Variants in ABI3BP observed in about 807,000 individuals in gnomAD.
ABI3BP encodes the protein target of Nesh-SH3.
In ABI3BP, 216 loss-of-function variants were observed where a neutral mutation model predicts 268.6. The ratio of observed to expected loss-of-function variants is 0.80; its 90% CI spans 0.72 to 0.90. The LOEUF (loss-of-function observed/expected upper bound fraction) is 0.90. Ranked by LOEUF, ABI3BP falls within the 40% of genes least tolerant of loss-of-function variation. ABI3BP has a pLI of 0.00. For missense variants in ABI3BP, 2,090 were observed against 2,182.4 expected (o/e 0.96, Z 0.84); for synonymous variants, 730 against 730.0 (o/e 1.00, Z 0.00).
In ABI3BP at chr3:100,913,791, G is replaced by A. The variant is rs1438108352; in HGVS notation, c.260-11105C>T. 2.6e-5 allele frequency among the ~76,000 whole-genome samples: 4 copies of A among 152,184 alleles called. No individual in the cohort carries two copies. In the East Asian group the frequency reaches 5.8e-4, roughly 22 times the overall value. ...TATGGAGCATCACAAAGTAATATAA[G>A]TCCTCCACCTTTTAGAGTATTCCTA... On this transcript the variant is annotated intron_variant, in intron 2 of 67. Transcript: ENST00000471714.
intron 13 of ABI3BP, 57 bp downstream of exon 13, chr3:100,862,781 A>G: frequency 8.2e-7 from 1 of 1,225,262 alleles, no homozygotes; most frequent in Non-Finnish European, 1.1e-6. Flanking sequence ...TGTGTCCTGC[A>G]GAATTAAGCA....
intron 14 of ABI3BP, among the ~76,000 whole-genome samples, chr3:100,859,892 G>T (rs779544179): frequency 6.6e-6 from 1 of 152,034 alleles, no homozygotes; most frequent in South Asian, 2.1e-4. Context: ...ATAAGGTAGC[G>T]CTTCTCAAAC....
chr3:100,894,581 G>C (rs1295149618), intron 4 of ABI3BP, among the ~76,000 whole-genome samples: 1 of 151,982 alleles, frequency 6.6e-6, no homozygotes, highest in African/African-American at 2.4e-5. Context: ...ACTTGGGGGC[G>C]GAAAAAAGGC....
chr3:100,888,939 A>G (rs1415315115), intron 4 of ABI3BP, among the ~76,000 whole-genome samples: 1 of 152,072 alleles, frequency 6.6e-6, no homozygotes, highest in Non-Finnish European at 1.5e-5. Context: ...TTTATAACCC[A>G]GTACACAGTA....
intron 1 of ABI3BP, chr3:100,952,747 T>C (rs189723932): frequency 5.3e-5 from 8 of 152,162 alleles, no homozygotes; most frequent in Admixed American, 4.6e-4. Context: ...AACAAAAAAA[T>C]AGAATTGTAA....
rs989943262 is a variant in ABI3BP, at chr3:100,911,740, G to A, written c.260-9054C>T. 2.0e-5 allele frequency: 18 copies of A among 892,552 alleles called. No homozygotes were observed. The African/African-American group carries it at 2.6e-4, about 13-fold the overall frequency. 55.3% of individuals were successfully genotyped at this position (892,552 alleles called of 1,614,324 possible). The stretch of plus-strand genomic sequence containing the variant: ...AGTCCTCTTTGAGGTTTCAAGGCAT[G>A]TTTCAGTCGATGAGTAGCGTAGCTT... On this transcript the variant is annotated intron_variant, in intron 2 of 67. Transcript: ENST00000471714.
At chr3:100,750,633 T>TCTCTCAGG in intron 67 of ABI3BP, 23 bp from the exon 68 acceptor site, 1 of 1,548,836 alleles carries the variant, frequency 6.5e-7, no homozygotes, top group East Asian at 2.3e-5. Context: ...ATAGTTTCAT[T>TCTCTCAGG]TTAATAGCTG....
intron 2 of ABI3BP, among the ~76,000 whole-genome samples, chr3:100,918,298 A>G (rs867411821): frequency 1.1e-4 from 17 of 148,938 alleles, no homozygotes; most frequent in East Asian, 3.9e-4. Flanking sequence ...CCATCCACCC[A>G]TCCACCCATC....
rs76822989 is a variant in ABI3BP, at chr3:100,825,831, G to A, written c.2616C>T (p.Asp872=). Residue 872 remains aspartate (D), a synonymous_variant, in exon 35 of 68, where the codon GAC becomes GAT. Transcript: ENST00000471714. ...APGTTFVPVT[D]LEPVTFRTEI... ...CAGTTCTAAAAGTAACAGGCTCGAG[G>A]TCTGTAACAGGAACTGAAGTAATAA... 10,121 of 1,535,046 alleles carry A rather than the reference G, an allele frequency of 6.6e-3. 708 individuals are homozygous for A. In the Admixed American group the frequency reaches 0.14, roughly 21 times the overall value.
At chr3:100,885,351 A>C (rs1424458912) in intron 6 of ABI3BP, among the ~76,000 whole-genome samples, 185 bp downstream of exon 6, 1 of 152,092 alleles carries the variant, frequency 6.6e-6, no homozygotes, top group Non-Finnish European at 1.5e-5. Context: ...CAAATCAGAG[A>C]TGATTTGAAA....
At chr3:100,801,275 A>C (rs2097527060) in intron 51 of ABI3BP, among the ~76,000 whole-genome samples, 1 of 152,000 alleles carries the variant, frequency 6.6e-6, no homozygotes, top group African/African-American at 2.4e-5. Context: ...ATTATTTAAA[A>C]ATCTAGGCCA....
chr3:100,830,693 C>A, intron 31 of ABI3BP, 59 bp from the exon 32 acceptor site: 1 of 1,374,220 alleles, frequency 7.3e-7, no homozygotes, highest in Non-Finnish European at 9.8e-7. Flanking sequence ...AATGTTGGAA[C>A]ATTCATCTTA....
At chr3:100,763,074 T>A (rs2096063760) in intron 63 of ABI3BP, among the ~76,000 whole-genome samples, 1 of 152,210 alleles carries the variant, frequency 6.6e-6, no homozygotes, top group Non-Finnish European at 1.5e-5. Flanking sequence ...ACACACTGAA[T>A]GACCTCAAAT....
In ABI3BP at chr3:100,775,450, G is replaced by A. The variant is rs148304673; in HGVS notation, c.4334-115C>T. On this transcript the variant is annotated intron_variant, in intron 59 of 67. Coordinates refer to ENST00000471714, the MANE Select transcript of ABI3BP (RefSeq NM_001375547.2). Reference sequence around the variant, plus strand: ...ACTGACCATGTGGCTTGGCACTATAGACCAGGCTTGGAGAGAAAACAAGAC... The same window carrying A: ...ACTGACCATGTGGCTTGGCACTATAAACCAGGCTTGGAGAGAAAACAAGAC... The A allele has an allele frequency of 3.8e-4, 519 of 1,377,696 alleles. 6 individuals carry two copies. The highest frequency in any genetic ancestry group is 1.5e-3 in the South Asian group (114 of 75,652). 85.3% of individuals were successfully genotyped at this position (1,377,696 alleles called of 1,614,324 possible). A position where few individuals can be genotyped will look rare whatever the true frequency, so the allele number is the denominator to read the frequency against.
rs145143295 is a variant in ABI3BP at position 100,835,200 on chromosome 3, T to C, written c.2191+401A>G. Among the ~76,000 whole-genome samples, 1,062 of 152,270 alleles carry C rather than the reference T, an allele frequency of 7.0e-3. 18 individuals carry two copies. The highest frequency in any genetic ancestry group is 0.024 in the African/African-American group (991 of 41,544). On this transcript the variant is annotated intron_variant, in intron 28 of 67. Coordinates refer to ENST00000471714, the MANE Select transcript of ABI3BP (RefSeq NM_001375547.2). ...ACATTTTGTTTTCTAAAATAGTTGG[T>C]AGACAATAAAAATTCTCTGTATATC...
chr3:100,877,889 A>G (rs1278967448), intron 6 of ABI3BP, among the ~76,000 whole-genome samples: 1 of 152,216 alleles, frequency 6.6e-6, no homozygotes, highest in East Asian at 1.9e-4. Flanking sequence ...ACTTTGTGAC[A>G]TACTACCATT....
intron 63 of ABI3BP, among the ~76,000 whole-genome samples, chr3:100,760,028 T>A (rs896492551): frequency 6.6e-6 from 1 of 152,196 alleles, no homozygotes; most frequent in Non-Finnish European, 1.5e-5. Context: ...AATTGCTGTG[T>A]CTATTCCAGC....
chr3:100,948,688 C>G (rs182280886), intron 1 of ABI3BP, among the ~76,000 whole-genome samples: 8 of 152,178 alleles, frequency 5.3e-5, no homozygotes, highest in Non-Finnish European at 1.2e-4. Flanking sequence ...ATAGTCCCTG[C>G]ATTCACTTTT....
At chr3:100,878,850 G>C (rs1015452137) in intron 6 of ABI3BP, among the ~76,000 whole-genome samples, 1 of 152,054 alleles carries the variant, frequency 6.6e-6, no homozygotes, top group African/African-American at 2.4e-5. Context: ...ATTTTTATTT[G>C]TTCATGTTAA....
Sources: allele counts gnomAD v4.1 joint callset (sites outside exome capture counted in the v4.1 genomes callset), GRCh38; gene constraint gnomAD v4.1.1; transcripts MANE v1.5; gene names NCBI Gene and HGNC (gene_info 2026-07-23, HGNC 2026-07-21).